The following RBFOX1 variants were observed in gnomAD, a reference collection of about 807,000 sequenced individuals.
RBFOX1 encodes the protein RNA binding protein fox-1 homolog 1.
Under a neutral mutation model 57.7 loss-of-function variants are expected in RBFOX1, and 8 were observed. The ratio of observed to expected loss-of-function variants is 0.14; its 90% CI spans 0.08 to 0.25. RBFOX1 has a LOEUF of 0.25. Ranked by LOEUF, RBFOX1 falls within the 10% of genes least tolerant of loss-of-function variation. RBFOX1 has a pLI of 1.00. For synonymous variants in RBFOX1, 326 were observed against 222.4 expected, an observed-to-expected ratio of 1.47 and a Z score of -4.15; for missense variants, 611 against 548.5, an observed-to-expected ratio of 1.11 and a Z score of -1.14.
chr16:7,360,931 T>A (rs2097308359), intron 4 of RBFOX1, among the ~76,000 whole-genome samples: 1 of 152,208 alleles, frequency 6.6e-6, no homozygotes, highest in Admixed American at 6.5e-5. Context: ...TCTCATCCAC[T>A]GCGTATGAGT....
intron 2 of RBFOX1, among the ~76,000 whole-genome samples, chr16:6,557,655 G>A (rs11641254): frequency 0.062 from 9,434 of 152,206 alleles, 614 homozygotes; most frequent in African/African-American, 0.17. Flanking sequence ...TGATGAAATG[G>A]AGAAGGGGAA....
intron 3 of RBFOX1, among the ~76,000 whole-genome samples, chr16:6,842,685 G>C (rs924894701): frequency 6.7e-6 from 1 of 148,182 alleles, no homozygotes; most frequent in African/African-American, 2.5e-5. Context: ...TCAAGTTCTG[G>C]GATACATGTG....
intron 3 of RBFOX1, among the ~76,000 whole-genome samples, chr16:6,871,138 T>G (rs1489450598): frequency 2.6e-5 from 4 of 152,250 alleles, no homozygotes; most frequent in African/African-American, 7.2e-5. Context: ...GTTCCTTTCT[T>G]TTGTTTTTGA....
intron 1 of RBFOX1, among the ~76,000 whole-genome samples, chr16:6,312,242 G>C (rs2080415787): frequency 6.6e-6 from 1 of 152,122 alleles, no homozygotes; most frequent in African/African-American, 2.4e-5. Flanking sequence ...AAGTCAGGAG[G>C]TGTTCTAGGT....
At chr16:6,584,143 T>C (rs2153978409) in intron 2 of RBFOX1, among the ~76,000 whole-genome samples, 1 of 151,954 alleles carries the variant, frequency 6.6e-6, no homozygotes, top group Non-Finnish European at 1.5e-5. Flanking sequence ...TCTGTGTTCC[T>C]ATTGTGTGGT....
At chr16:5,510,710 TG>T (rs2043553943) in intron 2 of RBFOX1, among the ~76,000 whole-genome samples, 1 of 152,144 alleles carries the variant, frequency 6.6e-6, no homozygotes, top group East Asian at 1.9e-4. Context: ...GAACCAAGCT[TG>T]GTACCTAGTA....
chr16:7,052,312 T>C (rs1219809522), intron 4 of RBFOX1, among the ~76,000 whole-genome samples: 1 of 152,216 alleles, frequency 6.6e-6, no homozygotes, highest in African/African-American at 2.4e-5. Context: ...GATATGGATT[T>C]TTTGATTTAG....
intron 1 of RBFOX1, among the ~76,000 whole-genome samples, chr16:6,281,213 C>T (rs185718806): frequency 1.1e-4 from 17 of 151,986 alleles, no homozygotes; most frequent in African/African-American, 4.1e-4. Flanking sequence ...GGTGCTTACT[C>T]CATGCCCGGT....
chr16:6,656,468 G>C (rs2098652708), intron 3 of RBFOX1, among the ~76,000 whole-genome samples: 1 of 152,006 alleles, frequency 6.6e-6, no homozygotes, highest in South Asian at 2.1e-4. Context: ...AACTGCCTTT[G>C]GTTAAGACAT....
intron 4 of RBFOX1, among the ~76,000 whole-genome samples, chr16:7,159,654 A>G (rs2152369292): frequency 6.6e-6 from 1 of 152,280 alleles, no homozygotes; most frequent in Non-Finnish European, 1.5e-5. Flanking sequence ...GGTTCTGGAG[A>G]GCGCACAATT....
intron 1 of RBFOX1, among the ~76,000 whole-genome samples, chr16:6,103,034 T>C (rs939035642): frequency 6.6e-6 from 1 of 152,134 alleles, no homozygotes; most frequent in Non-Finnish European, 1.5e-5. Flanking sequence ...CTTCCCCTCT[T>C]TTGGACAATT....
At chr16:6,868,478 T>G (rs932173959) in intron 3 of RBFOX1, among the ~76,000 whole-genome samples, 1 of 142,684 alleles carries the variant, frequency 7.0e-6, no homozygotes, top group Admixed American at 6.9e-5. Context: ...TTTATTGGTT[T>G]ATGATTTTTT....
chr16:6,947,322 C>T (rs916412324), intron 3 of RBFOX1, among the ~76,000 whole-genome samples: 1 of 152,140 alleles, frequency 6.6e-6, no homozygotes, highest in East Asian at 1.9e-4. Context: ...TGTGATTTAA[C>T]AGTCTTTAAG....
At chr16:7,245,837 A>G (rs1603443178) in intron 4 of RBFOX1, among the ~76,000 whole-genome samples, 2 of 152,280 alleles carry the variant, frequency 1.3e-5, no homozygotes, top group African/African-American at 4.8e-5. Flanking sequence ...ACTCTTCACA[A>G]ATTACCAATT....
At chr16:5,940,525 C>G (rs1314655643) in intron 4 of RBFOX1, among the ~76,000 whole-genome samples, 1 of 152,144 alleles carries the variant, frequency 6.6e-6, no homozygotes, top group African/African-American at 2.4e-5. Flanking sequence ...AAGATCCTCA[C>G]AGGGAGGTTT....
chr16:5,897,458 C>G (rs901863464), intron 4 of RBFOX1, among the ~76,000 whole-genome samples: 1 of 152,184 alleles, frequency 6.6e-6, no homozygotes, highest in East Asian at 1.9e-4. Context: ...ATCATCACTA[C>G]CTCATGGGAA....
chr16:6,974,860 C>G (rs1400709327), intron 3 of RBFOX1, among the ~76,000 whole-genome samples: 3 of 152,170 alleles, frequency 2.0e-5, no homozygotes, highest in Middle Eastern at 3.4e-3. Context: ...ATTCAGTGCT[C>G]CCTGGAAGGT....
chr16:6,232,717 C>T (rs1259204229), intron 1 of RBFOX1, among the ~76,000 whole-genome samples: 3 of 152,140 alleles, frequency 2.0e-5, no homozygotes, highest in African/African-American at 7.2e-5. Flanking sequence ...CTGCCTGTCT[C>T]TGAGTTTCTC....
At chr16:6,879,364 A>T (rs2062457154) in intron 3 of RBFOX1, among the ~76,000 whole-genome samples, 1 of 152,016 alleles carries the variant, frequency 6.6e-6, no homozygotes, top group African/African-American at 2.4e-5. Flanking sequence ...TCCTAATTTC[A>T]TCTCTCTCTC....
Sources: gnomAD v4.1 joint callset for allele counts (sites outside exome capture counted in the v4.1 genomes callset) on GRCh38, gnomAD v4.1.1 for gene constraint, MANE v1.5 for transcripts, NCBI Gene and HGNC (gene_info 2026-07-23, HGNC 2026-07-21) for gene names.